The following NIPBL variants were observed in gnomAD, a reference collection of about 807,000 sequenced individuals.
The protein encoded by NIPBL is NIPBL cohesin loading factor.
NIPBL carries 19 observed loss-of-function variants against 321.8 expected under a neutral mutation model. The observed-to-expected ratio is 0.06, with a 90% CI of 0.04 to 0.09. The LOEUF (loss-of-function observed/expected upper bound fraction) is 0.09. NIPBL is among the 10% of genes least tolerant of loss of function. The pLI is 1.00. For synonymous variants in NIPBL, 1,106 were observed against 1,114.1 expected (o/e 0.99, Z 0.14); for missense variants, 2,210 against 3,327.0 (o/e 0.66, Z 8.26).
At position 36,985,521 on chromosome 5, in the gene NIPBL, A is replaced by G; in HGVS notation, c.2341A>G (p.Lys781Glu). ...PSTEKKPEVS[K>E]HKQDTKSDSP... ...TACAGAGAAAAAACCTGAAGTGTCTAAACATAAACAAGATACTAAATCTGA... is the reference window on the plus strand; with the variant it reads ...TACAGAGAAAAAACCTGAAGTGTCTGAACATAAACAAGATACTAAATCTGA... Residue 781 changes from lysine (K) to glutamate (E), a missense_variant, in exon 10 of 47, where the codon AAA (lysine) becomes GAA (glutamate). Transcript: ENST00000282516. 1 of 1,613,714 alleles carries G rather than the reference A, an allele frequency of 6.2e-7. No homozygotes were observed. Among genetic ancestry groups the G allele is most frequent in the Non-Finnish European group, 8.5e-7 (1 of 1,179,946 alleles).
At chr5:36,906,348 A>G (rs1302592419) in intron 1 of NIPBL, among the ~76,000 whole-genome samples, 1 of 152,184 alleles carries the variant, frequency 6.6e-6, no homozygotes, top group East Asian at 1.9e-4. Context: ...TATTATGATT[A>G]TTTTGGGACT....
chr5:36,979,825 A>G (rs1254724952), intron 9 of NIPBL, among the ~76,000 whole-genome samples: 1 of 151,818 alleles, frequency 6.6e-6, no homozygotes. Flanking sequence ...AAATTCCTGA[A>G]TCTTAGGATA....
chr5:37,007,469 C>G lies in NIPBL; in HGVS notation c.4234C>G (p.Leu1412Val), dbSNP rs1258883180. 3 of 1,609,198 alleles carry G rather than the reference C, an allele frequency of 1.9e-6. No individual in the cohort carries two copies. Among genetic ancestry groups the G allele is most frequent in the Non-Finnish European group, 2.5e-6 (3 of 1,176,482 alleles). Residue 1412 changes from leucine to valine, a missense_variant, in exon 18 of 47, where the codon CTT (leucine) becomes GTT (valine). Physicochemically the swap from Leu to Val is conservative, Grantham distance 32 (BLOSUM62 1). Around this residue, in one of 14 missense-constraint regions of NIPBL, gnomAD observed 381 missense variants for 642.3 expected, o/e 0.59. Coordinates refer to ENST00000282516, the MANE Select transcript of NIPBL (RefSeq NM_133433.4). Reference protein sequence around the residue: ...EIQLLTDTTILQVSSMGITPF... With the variant: ...EIQLLTDTTIVQVSSMGITPF... ...ACAACTTCTTACAGACACAACAATT[C>G]TTCAGGTAAGATTTTTTGGTAAGCA...
intron 10 of NIPBL, among the ~76,000 whole-genome samples, chr5:36,988,305 G>T (rs561980026): frequency 6.6e-6 from 1 of 152,122 alleles, no homozygotes; most frequent in East Asian, 1.9e-4. Context: ...TAAGCTATCT[G>T]GGTGTCTGCC....
chr5:36,883,315 C>T (rs1310086494), intron 1 of NIPBL, among the ~76,000 whole-genome samples: 1 of 151,652 alleles, frequency 6.6e-6, no homozygotes, highest in African/African-American at 2.4e-5. Flanking sequence ...TCTCCTTTGA[C>T]AGAAAAGAAA....
chr5:37,040,983 A>G (rs552272604), intron 34 of NIPBL, among the ~76,000 whole-genome samples: 3 of 151,592 alleles, frequency 2.0e-5, no homozygotes, highest in East Asian at 1.9e-4. Context: ...TTCACTATTT[A>G]TATCATTTTC....
At chr5:37,050,944 C>T (rs1753473195) in intron 40 of NIPBL, 2 of 152,266 alleles carry the variant, frequency 1.3e-5, no homozygotes, top group African/African-American at 2.4e-5. Context: ...CTCTTCCCAC[C>T]TCTGCCTCCC....
At chr5:36,878,518 G>A (rs1029842147) in intron 1 of NIPBL, among the ~76,000 whole-genome samples, 2 of 152,204 alleles carry the variant, frequency 1.3e-5, no homozygotes, top group African/African-American at 4.8e-5. Flanking sequence ...CATATTCGCT[G>A]AAGGAAAACT....
chr5:37,013,540 C>T (rs541054759), intron 21 of NIPBL, among the ~76,000 whole-genome samples: 68 of 150,534 alleles, frequency 4.5e-4, no homozygotes, highest in African/African-American at 1.5e-3. Flanking sequence ...ACGGGGCGGT[C>T]GGGCAGAGAC....
At chr5:37,045,220 G>A (rs1357185372) in intron 36 of NIPBL, among the ~76,000 whole-genome samples, 3 of 152,004 alleles carry the variant, frequency 2.0e-5, no homozygotes, top group Non-Finnish European at 4.4e-5. Context: ...CAGGCGTGGT[G>A]GCACACGACT....
In NIPBL at chr5:37,057,346, A is replaced by G. The variant is rs777794041; in HGVS notation, c.7410+14A>G. On this transcript the variant is annotated intron_variant, in intron 43 of 46. Coordinates refer to ENST00000282516, the MANE Select transcript of NIPBL (RefSeq NM_133433.4). ...TCATTCAAGGAGGTAAGTTACACAC[A>G]TTACTATTCTTAATCCATCTGTCAA... 2.5e-6 allele frequency: 4 copies of G among 1,611,048 alleles called. No homozygotes were observed. The South Asian group carries it at 3.3e-5, about 13-fold the overall frequency.
intron 4 of NIPBL, among the ~76,000 whole-genome samples, chr5:36,961,195 A>C (rs187937917): frequency 6.6e-6 from 1 of 152,320 alleles, no homozygotes; most frequent in Non-Finnish European, 1.5e-5. Context: ...TTTTAAAAAA[A>C]TCTTTTCAAT....
rs1408015596 is a variant in NIPBL at position 37,052,466 on chromosome 5, C to G, written c.7163C>G (p.Ser2388Cys). The G allele has an allele frequency of 1.2e-6, 2 of 1,614,096 alleles. No homozygotes were observed. The highest frequency in any genetic ancestry group is 1.7e-6 in the Non-Finnish European group (2 of 1,180,000). Residue 2388 changes from serine to cysteine, a missense_variant, in exon 42 of 47, where the codon TCT becomes TGT. Physicochemically the swap from Ser to Cys is moderately radical, Grantham distance 112. Coordinates refer to ENST00000282516, the MANE Select transcript of NIPBL (RefSeq NM_133433.4). ...AGGGGTTTCAGACAAGACGAGTCCTCTAGCGCTTTGTGTTCACACCTTTAC... is the reference window on the plus strand; with the variant it reads ...AGGGGTTTCAGACAAGACGAGTCCTGTAGCGCTTTGTGTTCACACCTTTAC... ...PVRGFRQDES[S>C]SALCSHLYSM...
chr5:36,987,540 A>C (rs2149649070), intron 10 of NIPBL, among the ~76,000 whole-genome samples: 1 of 152,312 alleles, frequency 6.6e-6, no homozygotes, highest in East Asian at 1.9e-4. Context: ...TCTACCAAGA[A>C]AGCTCTTTGA....
Position 36,962,183 on chromosome 5 carries a change from A to G in NIPBL, c.519A>G (p.Pro173=), listed in dbSNP as rs761663409. ...GATTTATGCCACAGCAAAATAGCCC[A>G]GTGCCTAGTCCATACGCCCCACAAA... ...GNRFMPQQNS[P]VPSPYAPQSP... The change falls in exon 6 of 47, where the codon CCA becomes CCG. Residue 173 remains proline, a synonymous_variant. Coordinates refer to ENST00000282516, the MANE Select transcript of NIPBL (RefSeq NM_133433.4). 7 of 1,614,028 alleles carry G rather than the reference A, an allele frequency of 4.3e-6. No homozygotes were observed. The highest frequency in any genetic ancestry group is 5.9e-6 in the Non-Finnish European group (7 of 1,180,002).
intron 5 of NIPBL, 78 bp downstream of exon 5, chr5:36,961,661 A>G (rs1422483502): frequency 2.2e-6 from 2 of 927,936 alleles, no homozygotes; most frequent in Non-Finnish European, 3.6e-6. Flanking sequence ...TCATACATTT[A>G]GGTAATGGTG....
intron 9 of NIPBL, among the ~76,000 whole-genome samples, chr5:36,979,902 C>A (rs1011888671): frequency 6.6e-6 from 1 of 151,610 alleles, no homozygotes; most frequent in African/African-American, 2.4e-5. Flanking sequence ...GCCCTGATAA[C>A]TGAATTTTTT....
chr5:37,035,278 C>G lies in NIPBL; in HGVS notation c.5863-1101C>G, dbSNP rs146845042. 9.3e-3 allele frequency among the ~76,000 whole-genome samples: 1,420 copies of G among 152,322 alleles called. 12 individuals carry two copies. The highest frequency in any genetic ancestry group is 0.013 in the Non-Finnish European group (914 of 68,016). On this transcript the variant is annotated intron_variant, in intron 32 of 46. Transcript: ENST00000282516. ...AATGAGACCCTGTCTCAGAAAAGAC[C>G]AAACTAGAATGTGATATTAATAGCT...
chr5:37,035,514 A>G lies in NIPBL; in HGVS notation c.5863-865A>G, dbSNP rs558051349. 5.9e-5 allele frequency among the ~76,000 whole-genome samples: 9 copies of G among 152,282 alleles called. No individual in the cohort carries two copies. The East Asian group carries it at 1.4e-3, about 23-fold the overall frequency. On this transcript the variant is annotated intron_variant, in intron 32 of 46. Coordinates refer to ENST00000282516, the MANE Select transcript of NIPBL (RefSeq NM_133433.4). ...CTTGTGCTGCCCAAGCTTGTGCCCA[A>G]CTGTAAGCCACATGCATTTTTTTAA...
Sources: gnomAD v4.1 joint callset for allele counts (sites outside exome capture counted in the v4.1 genomes callset) on GRCh38, gnomAD v4.1.1 for gene constraint, gnomAD v4.1.1 regional missense constraint, MANE v1.5 for transcripts, NCBI Gene and HGNC (gene_info 2026-07-23, HGNC 2026-07-21) for gene names.